Variants in PRSS23 observed in about 807,000 individuals in gnomAD.
The protein encoded by PRSS23 is serine protease 23.
PRSS23 carries 25 observed loss-of-function variants against 34.7 expected under a neutral mutation model. The observed-to-expected ratio is 0.72, with a 90% CI of 0.53 to 1.01. The LOEUF is 1.01. Ranked by LOEUF, PRSS23 falls within the 50% of genes least tolerant of loss-of-function variation. The probability of loss-of-function intolerance (pLI) is 0.00; values close to 1 mark genes in which losing one functional copy is unlikely to be tolerated. For missense variants in PRSS23, 445 were observed against 475.6 expected (o/e 0.94, Z 0.60); for synonymous variants, 176 against 186.6 (o/e 0.94, Z 0.46).
In PRSS23 at chr11:86,809,046, A is replaced by G; in HGVS notation, c.*251A>G. The G allele has an allele frequency of 2.6e-6, 1 of 378,606 alleles. No individual in the cohort carries two copies. The highest frequency in any genetic ancestry group is 1.1e-4 in the South Asian group (1 of 8,898). The allele number at this position is 378,606 out of a possible 1,614,324, so 23.5% of individuals were successfully genotyped here. A position where few individuals can be genotyped will look rare whatever the true frequency, so the allele number is the denominator to read the frequency against. ...ATACTTTTGCATAGAAATAAAAAAA[A>G]TACTGATTTGGGGCAATGAGGAATA... On this transcript the variant is annotated 3_prime_UTR_variant, in exon 2 of 2. Transcript: ENST00000280258.
chr11:86,843,492 G>T (rs932095288), intron 2 of PRSS23, among the ~76,000 whole-genome samples: 1 of 152,164 alleles, frequency 6.6e-6, no homozygotes, highest in Non-Finnish European at 1.5e-5. Context: ...GCAACCTACA[G>T]AATGGGAGAA....
rs533190491 is a variant in PRSS23, at chr11:86,915,771, A to G, written c.207-35445A>G. 5.3e-5 allele frequency among the ~76,000 whole-genome samples: 8 copies of G among 152,238 alleles called. No individual in the cohort carries two copies. In the East Asian group the frequency reaches 1.3e-3, roughly 26 times the overall value. ...TATATTTGAAAGAGCATAATGGGTC[A>G]GGTGTGGTGGCTCATGCCTGTAATC... On this transcript the variant is annotated intron_variant, in intron 2 of 2. Transcript: ENST00000533902.
chr11:86,822,464 T>A (rs1432265052), intron 1 of PRSS23, among the ~76,000 whole-genome samples: 1 of 151,608 alleles, frequency 6.6e-6, no homozygotes, highest in Non-Finnish European at 1.5e-5. Context: ...CAACACAACA[T>A]CGAAAAATTA....
intron 2 of PRSS23, among the ~76,000 whole-genome samples, chr11:86,861,503 G>A (rs553691336): frequency 6.6e-6 from 1 of 151,908 alleles, no homozygotes; most frequent in African/African-American, 2.4e-5. Context: ...CGCAGAAGGT[G>A]TACACGCCCT....
intron 2 of PRSS23, chr11:86,857,223 C>T (rs918231814): frequency 9.4e-6 from 3 of 317,826 alleles, no homozygotes; most frequent in African/African-American, 2.2e-5. Flanking sequence ...CAGCTGAAGT[C>T]AGGTACACGC....
At chr11:86,836,281 AG>A (rs1438546745) in intron 2 of PRSS23, among the ~76,000 whole-genome samples, 1 of 152,140 alleles carries the variant, frequency 6.6e-6, no homozygotes. Flanking sequence ...TTGGGCTTTT[AG>A]GTCCTTAACA....
At chr11:86,821,519 G>T in intron 1 of PRSS23, 1 of 1,611,066 alleles carries the variant, frequency 6.2e-7, no homozygotes, top group Non-Finnish European at 8.5e-7. Flanking sequence ...CCATTGTTCA[G>T]TTGCTGTCAT....
At chr11:86,823,167 A>G (rs1029341643) in intron 1 of PRSS23, among the ~76,000 whole-genome samples, 3 of 152,252 alleles carry the variant, frequency 2.0e-5, no homozygotes, top group African/African-American at 7.2e-5. Flanking sequence ...ATGGAGGCAG[A>G]GGGTAATAAG....
At chr11:86,804,015 C>T (rs576276396) in intron 1 of PRSS23, among the ~76,000 whole-genome samples, 1 of 152,168 alleles carries the variant, frequency 6.6e-6, no homozygotes, top group East Asian at 1.9e-4. Flanking sequence ...CAGCATCGTC[C>T]CTGACCTGGA....
intron 2 of PRSS23, among the ~76,000 whole-genome samples, chr11:86,825,074 G>T (rs1170657739): frequency 6.6e-6 from 1 of 151,964 alleles, no homozygotes; most frequent in Admixed American, 6.6e-5. Context: ...CACAATGGTT[G>T]AACTAGTTTA....
chr11:86,818,662 GC>G (rs1298945978), intron 1 of PRSS23, among the ~76,000 whole-genome samples: 1 of 152,100 alleles, frequency 6.6e-6, no homozygotes, highest in Non-Finnish European at 1.5e-5. Flanking sequence ...TTCTTGGATT[GC>G]CCCCTAGTGG....
Position 86,939,426 on chromosome 11 carries a change from A to ATATTTTTT in PRSS23, c.207-11789_207-11788insATTTTTTT. ...AAAATATATATATATATATATATAT[A>ATATTTTTT]TTTTTTAACATGAGTAAAAATTGCA... is the stretch of plus-strand genomic sequence containing the variant. On this transcript the variant is annotated intron_variant, in intron 2 of 2. Transcript: ENST00000533902. Among the ~76,000 whole-genome samples, 145 of 93,958 alleles carry ATATTTTTT rather than the reference A, an allele frequency of 1.5e-3. 4 individuals carry two copies. The highest frequency in any genetic ancestry group is 2.1e-3 in the Non-Finnish European group (91 of 43,082). The allele number at this position is 93,958 out of a possible 152,430, so 61.6% of individuals were successfully genotyped here.
At chr11:86,832,433 G>A (rs1164035254) in intron 2 of PRSS23, 1 of 192,520 alleles carries the variant, frequency 5.2e-6, no homozygotes, top group East Asian at 1.4e-4. Flanking sequence ...ATCACAGTGG[G>A]TCTTCACCCT....
chr11:86,895,408 A>G (rs961437269), intron 2 of PRSS23, among the ~76,000 whole-genome samples: 2 of 151,010 alleles, frequency 1.3e-5, no homozygotes, highest in African/African-American at 4.9e-5. Flanking sequence ...ATTCAGTGGC[A>G]TTCATTAATA....
intron 1 of PRSS23, among the ~76,000 whole-genome samples, chr11:86,795,062 G>A (rs545458546): frequency 6.6e-6 from 1 of 152,174 alleles, no homozygotes; most frequent in East Asian, 1.9e-4. Flanking sequence ...GACAAGATTT[G>A]GGGGTGTCAA....
exon 3 of PRSS23, chr11:86,952,873 G>T: frequency 6.4e-6 from 1 of 156,756 alleles, no homozygotes; most frequent in Non-Finnish European, 1.4e-5. Flanking sequence ...TTTTATCCCC[G>T]TTTCTTTATC....
rs546008727 is a variant in PRSS23 at position 86,944,584 on chromosome 11, G to A, written c.207-6632G>A. ...TCTCCACTCTAAAGGAAGGTTGTCA[G>A]ACCTGCCCTACTGACTTCAGAAATG... On this transcript the variant is annotated intron_variant, in intron 2 of 2. Transcript: ENST00000533902. Among the ~76,000 whole-genome samples the A allele has an allele frequency of 9.2e-4, 140 of 152,290 alleles. 1 individual carries two copies. Among genetic ancestry groups the A allele is most frequent in the Non-Finnish European group, 1.5e-3 (104 of 68,018 alleles).
At chr11:86,859,656 A>G (rs1203269550) in intron 2 of PRSS23, among the ~76,000 whole-genome samples, 4 of 152,020 alleles carry the variant, frequency 2.6e-5, no homozygotes, top group Non-Finnish European at 5.9e-5. Flanking sequence ...CCTAGTATCC[A>G]GAGGGCAAAA....
intron 2 of PRSS23, among the ~76,000 whole-genome samples, chr11:86,824,530 C>T (rs1472584845): frequency 6.7e-6 from 1 of 148,760 alleles, no homozygotes; most frequent in Non-Finnish European, 1.5e-5. Context: ...GCACAATGTG[C>T]AGGTTAGTTA....
Sources: gnomAD v4.1 joint callset for allele counts (sites outside exome capture counted in the v4.1 genomes callset) on GRCh38, gnomAD v4.1.1 for gene constraint, MANE v1.5 for transcripts, NCBI Gene and HGNC (gene_info 2026-07-23, HGNC 2026-07-21) for gene names.